Variants in ROCK1 observed in about 807,000 individuals in gnomAD.
ROCK1 encodes rho-associated protein kinase 1.
In ROCK1, 36 loss-of-function variants were observed where a neutral mutation model predicts 196.8. The ratio of observed to expected loss-of-function variants is 0.18; its 90% CI spans 0.14 to 0.24. The LOEUF is 0.24. ROCK1 is among the 10% of genes least tolerant of loss of function. ROCK1 has a pLI of 1.00. For missense variants in ROCK1, 920 were observed against 1,562.0 expected, an observed-to-expected ratio of 0.59 and a Z score of 6.93; for synonymous variants, 443 against 515.9, an observed-to-expected ratio of 0.86 and a Z score of 1.91.
At chr18:21,015,718 T>A (rs1307227168) in intron 12 of ROCK1, among the ~76,000 whole-genome samples, 1 of 151,960 alleles carries the variant, frequency 6.6e-6, no homozygotes, top group Non-Finnish European at 1.5e-5. Context: ...ACACCTGTAA[T>A]CCCAGCACTT....
chr18:21,104,130 G>C (rs2036682754), intron 1 of ROCK1, among the ~76,000 whole-genome samples: 1 of 152,134 alleles, frequency 6.6e-6, no homozygotes, highest in South Asian at 2.1e-4. Flanking sequence ...CTGATAAGTG[G>C]GTTTTTCTAT....
chr18:20,997,323 CAAAAAA>C (rs1161306781), intron 16 of ROCK1, among the ~76,000 whole-genome samples: 1 of 151,460 alleles, frequency 6.6e-6, no homozygotes, highest in South Asian at 2.1e-4. Flanking sequence ...AAAACAAAAA[CAAAAAA>C]AGAGCAGTAG....
At chr18:21,039,348 A>T in intron 9 of ROCK1, 124 bp downstream of exon 9, 1 of 677,318 alleles carries the variant, frequency 1.5e-6, no homozygotes, top group Non-Finnish European at 2.5e-6. Context: ...GACAATTCCC[A>T]TATAGTATTT....
intron 1 of ROCK1, among the ~76,000 whole-genome samples, chr18:21,108,258 T>C (rs2036720669): frequency 6.6e-6 from 1 of 152,238 alleles, no homozygotes; most frequent in Admixed American, 6.5e-5. Context: ...TTGGGCTCCA[T>C]GATACCTGGC....
At chr18:21,107,965 G>A (rs748781123) in intron 1 of ROCK1, among the ~76,000 whole-genome samples, 60 of 151,966 alleles carry the variant, frequency 3.9e-4, no homozygotes, top group Non-Finnish European at 6.6e-4. Flanking sequence ...TGAGGCAGGA[G>A]AATCACTCGA....
Position 21,110,945 on chromosome 18 carries a change from A to C in ROCK1, c.-35T>G, listed in dbSNP as rs766915345. On this transcript the variant is annotated 5_prime_UTR_variant, in exon 1 of 33. Transcript: ENST00000399799. ...GCTGTGACAATGCCCTCTTACCAGC[A>C]CCAGCAGCGGAAAGCAATTTCAACC... 6.4e-7 allele frequency: 1 copy of C among 1,559,884 alleles called. No individual in the cohort carries two copies. Among genetic ancestry groups the C allele is most frequent in the South Asian group, 1.1e-5 (1 of 89,780 alleles).
At chr18:21,008,016 G>C (rs2035782985) in intron 14 of ROCK1, 43 bp downstream of exon 14, 1 of 1,473,032 alleles carries the variant, frequency 6.8e-7, no homozygotes. Context: ...CCTCATGACA[G>C]TGTTAGAAAT....
intron 29 of ROCK1, among the ~76,000 whole-genome samples, 166 bp downstream of exon 29, chr18:20,959,674 C>T (rs1165744489): frequency 1.3e-5 from 2 of 151,424 alleles, no homozygotes; most frequent in Non-Finnish European, 2.9e-5. Context: ...TTCCTTCTCA[C>T]ATTTTGCTGA....
intron 10 of ROCK1, 31 bp from the exon 11 acceptor site, chr18:21,023,711 A>G (rs760036511): frequency 7.9e-7 from 1 of 1,259,226 alleles, no homozygotes; most frequent in Non-Finnish European, 1.1e-6. Flanking sequence ...AAAAGAAAAG[A>G]AAACAAAAAA....
intron 27 of ROCK1, among the ~76,000 whole-genome samples, chr18:20,963,342 AC>A (rs1008051615): frequency 2.2e-4 from 34 of 152,094 alleles, no homozygotes; most frequent in Non-Finnish European, 4.0e-4. Context: ...ATTTAGCTAT[AC>A]CACAAACATA....
intron 1 of ROCK1, among the ~76,000 whole-genome samples, chr18:21,082,879 G>T (rs542272463): frequency 6.6e-6 from 1 of 152,172 alleles, no homozygotes; most frequent in Admixed American, 6.5e-5. Context: ...TGGAAACAAA[G>T]ACATAAAATT....
intron 16 of ROCK1, among the ~76,000 whole-genome samples, chr18:20,999,080 T>C (rs2035698340): frequency 6.6e-6 from 1 of 151,800 alleles, no homozygotes. Context: ...TATAAGCCAA[T>C]ATTCACGAGG....
intron 22 of ROCK1, among the ~76,000 whole-genome samples, chr18:20,977,049 T>C (rs570676053): frequency 3.3e-5 from 5 of 152,292 alleles, no homozygotes; most frequent in African/African-American, 1.2e-4. Flanking sequence ...ATTTTACATC[T>C]AAGTTTTGCC....
At chr18:20,959,415 T>G (rs2035304654) in intron 29 of ROCK1, among the ~76,000 whole-genome samples, 1 of 150,040 alleles carries the variant, frequency 6.7e-6, no homozygotes, top group African/African-American at 2.5e-5. Flanking sequence ...TTTCACCATG[T>G]TGGTCAGGCT....
At chr18:21,042,744 A>G in intron 6 of ROCK1, 35 bp from the exon 7 acceptor site, 2 of 1,572,344 alleles carry the variant, frequency 1.3e-6, no homozygotes, top group Non-Finnish European at 1.7e-6. Context: ...TTGAATTAGG[A>G]TATAAAGTCT....
At chr18:21,008,691 G>A (rs1203321701) in intron 13 of ROCK1, among the ~76,000 whole-genome samples, 2 of 152,198 alleles carry the variant, frequency 1.3e-5, no homozygotes, top group Admixed American at 1.3e-4. Context: ...GTTTTACAGT[G>A]TTTCTGGGCT....
chr18:21,042,451 T>G (rs2036115327), intron 7 of ROCK1, 114 bp downstream of exon 7: 1 of 1,231,084 alleles, frequency 8.1e-7, no homozygotes, highest in South Asian at 1.6e-5. Flanking sequence ...TCATGTTTAT[T>G]ACCCACAAAT....
rs558505043 is a variant in ROCK1 at position 21,081,062 on chromosome 18, C to T, written c.94-10449G>A. On this transcript the variant is annotated intron_variant, in intron 1 of 32. Transcript: ENST00000399799. ...GAGCACTCTATCCAGTAACAAAATA[C>T]ACATTTTTCTCAAGTACACATGGAA... 5.1e-4 allele frequency among the ~76,000 whole-genome samples: 77 copies of T among 152,262 alleles called. No homozygotes were observed. The South Asian group carries it at 0.015, about 30-fold the overall frequency.
At chr18:21,054,209 G>A (rs1436874174) in intron 2 of ROCK1, among the ~76,000 whole-genome samples, 2 of 151,898 alleles carry the variant, frequency 1.3e-5, no homozygotes, top group Non-Finnish European at 2.9e-5. Flanking sequence ...ATCATGATGG[G>A]CTTTAAAAAC....
Sources: gnomAD v4.1 joint callset for allele counts (sites outside exome capture counted in the v4.1 genomes callset) on GRCh38, gnomAD v4.1.1 for gene constraint, MANE v1.5 for transcripts, NCBI Gene and HGNC (gene_info 2026-07-23, HGNC 2026-07-21) for gene names.